TSEN2: variants seen among roughly 807,000 people sequenced by gnomAD.
The protein encoded by TSEN2 is tRNA splicing endonuclease subunit 2.
A neutral mutation model predicts 59.2 loss-of-function variants in TSEN2; 54 were observed. That is an observed-to-expected ratio of 0.91 (90% CI 0.73 to 1.14). The LOEUF (loss-of-function observed/expected upper bound fraction) is 1.14. Ranked by LOEUF, TSEN2 falls within the 50% of genes most tolerant of loss-of-function variation. TSEN2 has a pLI of 0.00. For missense variants in TSEN2, 636 were observed against 576.2 expected (o/e 1.10, Z -1.06); for synonymous variants, 195 against 198.2 (o/e 0.98, Z 0.14).
chr3:12,539,127 G>A (rs1345953010), intron 10 of TSEN2: 4 of 439,634 alleles, frequency 9.1e-6, no homozygotes, highest in Non-Finnish European at 4.5e-6. Context: ...AGCTTACCAT[G>A]TGCTTTTTTC....
intron 6 of TSEN2, among the ~76,000 whole-genome samples, chr3:12,506,522 G>A (rs574949147): frequency 1.3e-5 from 2 of 151,730 alleles, no homozygotes; most frequent in African/African-American, 4.8e-5. Flanking sequence ...TTGAGCCTGG[G>A]AGGTCGAGGC....
chr3:12,496,240 G>A (rs746749752), intron 3 of TSEN2, among the ~76,000 whole-genome samples: 6 of 152,222 alleles, frequency 3.9e-5, no homozygotes, highest in Non-Finnish European at 7.3e-5. Context: ...GTTTCCTCCT[G>A]TGCTGTTGCT....
intron 3 of TSEN2, among the ~76,000 whole-genome samples, chr3:12,493,423 C>T (rs913371116): frequency 6.6e-6 from 1 of 152,172 alleles, no homozygotes; most frequent in African/African-American, 2.4e-5. Context: ...TCCTTGCCAA[C>T]ACTTGTTTAA....
In TSEN2 at chr3:12,529,853, G is replaced by A. The variant is rs1050908021; in HGVS notation, c.1228G>A (p.Val410Ile). The change falls in exon 10 of 12, where the codon GTT becomes ATT. Residue 410 changes from valine to isoleucine, a missense_variant. Physicochemically the swap from Val to Ile is conservative, Grantham distance 29. Transcript: ENST00000284995. The stretch of plus-strand genomic sequence containing the variant: ...GAAGTCCCTGGCTGCCTTGAGCAGA[G>A]TTTCCGTTAATGTCTCTAAGGTAAC... Reference protein sequence around the residue: ...SWKSLAALSRVSVNVSKELML... With the variant: ...SWKSLAALSRISVNVSKELML... The A allele has an allele frequency of 6.2e-6, 10 of 1,613,868 alleles. No homozygotes were observed. The highest frequency in any genetic ancestry group is 5.5e-5 in the South Asian group (5 of 91,074).
chr3:12,535,075 C>T (rs2057643329), downstream of TSEN2, among the ~76,000 whole-genome samples: 1 of 152,034 alleles, frequency 6.6e-6, no homozygotes, highest in Non-Finnish European at 1.5e-5. Flanking sequence ...ATTGTTACAA[C>T]GTATTTGCTT....
upstream of TSEN2, among the ~76,000 whole-genome samples, chr3:12,482,636 C>T (rs567298002): frequency 2.7e-4 from 41 of 152,112 alleles, no homozygotes; most frequent in East Asian, 5.4e-3. Context: ...AATCCTTCCA[C>T]GAGCTGGGAT....
intron 3 of TSEN2, among the ~76,000 whole-genome samples, chr3:12,493,727 T>C (rs1354208411): frequency 6.6e-6 from 1 of 151,800 alleles, no homozygotes; most frequent in Non-Finnish European, 1.5e-5. Context: ...ACTCCGTTTC[T>C]AAATAAATAA....
chr3:12,481,614 G>A (rs2052195001), upstream of TSEN2, among the ~76,000 whole-genome samples: 2 of 152,166 alleles, frequency 1.3e-5, no homozygotes, highest in Non-Finnish European at 2.9e-5. Context: ...GAGAATAGGT[G>A]TGTTAGATAA....
At chr3:12,480,900 G>A (rs192994353), upstream of TSEN2, among the ~76,000 whole-genome samples, 2 of 152,174 alleles carry the variant, frequency 1.3e-5, no homozygotes, top group African/African-American at 4.8e-5. Context: ...CATAAGCCCC[G>A]TAGATCCGTA....
In TSEN2 at chr3:12,484,676, G is replaced by A. The variant is rs533687592; in HGVS notation, c.-222G>A. The A allele has an allele frequency of 5.2e-5, 8 of 152,432 alleles. No homozygotes were observed. The East Asian group carries it at 1.5e-3, about 29-fold the overall frequency. 9.4% of individuals were successfully genotyped at this position (152,432 alleles called of 1,614,324 possible). A position where few individuals can be genotyped will look rare whatever the true frequency, so the allele number is the denominator to read the frequency against. On this transcript the variant is annotated 5_prime_UTR_variant, in exon 1 of 12. Transcript: ENST00000284995. ...CCGGCCGAGACAGTGCCGGGACGGGGAGCCAGGCTTCCGAGTGCGCCCGGT... is the reference window on the plus strand; with the variant it reads ...CCGGCCGAGACAGTGCCGGGACGGGAAGCCAGGCTTCCGAGTGCGCCCGGT...
chr3:12,496,972 G>A (rs915559634), intron 4 of TSEN2, among the ~76,000 whole-genome samples: 4 of 152,060 alleles, frequency 2.6e-5, no homozygotes, highest in African/African-American at 7.2e-5. Context: ...AGACATTCCC[G>A]GAACGTTTCT....
At chr3:12,528,522 C>T (rs1033020089) in intron 8 of TSEN2, among the ~76,000 whole-genome samples, 7 of 152,134 alleles carry the variant, frequency 4.6e-5, no homozygotes, top group Non-Finnish European at 1.0e-4. Context: ...GAATTTAAGA[C>T]CAGCCTGGGC....
At chr3:12,526,934 G>GGACT (rs758381291) in intron 8 of TSEN2, among the ~76,000 whole-genome samples, 2 of 152,188 alleles carry the variant, frequency 1.3e-5, no homozygotes, top group Non-Finnish European at 1.5e-5. Context: ...TGTCATTTGA[G>GGACT]GACTAGAAAA....
At position 12,532,713 on chromosome 3, in the gene TSEN2, G is replaced by C; in HGVS notation, c.1390G>C (p.Asp464His). 1 of 1,614,062 alleles carries C rather than the reference G, an allele frequency of 6.2e-7. No individual in the cohort carries two copies. Among genetic ancestry groups the C allele is most frequent in the South Asian group, 1.1e-5 (1 of 91,076 alleles). ...VSSRERSDQD[D>H]L is the part of the protein sequence containing the mutation. ...TTCACGAGAGAGGAGTGACCAAGACGATCTTTAACAATTCAACCTCAAATT... is the reference window on the plus strand; with the variant it reads ...TTCACGAGAGAGGAGTGACCAAGACCATCTTTAACAATTCAACCTCAAATT... Residue 464 changes from aspartate (D) to histidine (H), a missense_variant, in exon 12 of 12, where the codon GAT becomes CAT. Asp to His is a moderately conservative substitution (Grantham distance 81). Coordinates refer to ENST00000284995, the MANE Select transcript of TSEN2 (RefSeq NM_025265.4).
downstream of TSEN2, among the ~76,000 whole-genome samples, chr3:12,537,829 G>C (rs2125279327): frequency 6.6e-6 from 1 of 152,316 alleles, no homozygotes; most frequent in East Asian, 1.9e-4. Context: ...GGAAGAATAA[G>C]TGTTTCTTCT....
intron 10 of TSEN2, chr3:12,531,347 G>A: frequency 1.8e-6 from 1 of 554,604 alleles, no homozygotes; most frequent in South Asian, 2.1e-5. Flanking sequence ...CAATGTATCT[G>A]CTTATATCTG....
In TSEN2 at chr3:12,503,362, G is replaced by C. The variant is rs938107092; in HGVS notation, c.409G>C (p.Glu137Gln). 1.2e-6 allele frequency: 2 copies of C among 1,614,096 alleles called. No homozygotes were observed. Among genetic ancestry groups the C allele is most frequent in the African/African-American group, 2.7e-5 (2 of 74,938 alleles). ...CCTCAAGGATTACACGAAACCGCTT[G>C]AGCATCCTCCTGTGAAAAGGAATGA... Reference protein sequence around the residue: ...RILKDYTKPLEHPPVKRNEEA... With the variant: ...RILKDYTKPLQHPPVKRNEEA... Residue 137 changes from glutamate to glutamine, a missense_variant, in exon 5 of 12, where the codon GAG (glutamate) becomes CAG (glutamine). Coordinates refer to ENST00000284995, the MANE Select transcript of TSEN2 (RefSeq NM_025265.4).
At chr3:12,538,374 G>C (rs955153438), downstream of TSEN2, among the ~76,000 whole-genome samples, 1 of 152,190 alleles carries the variant, frequency 6.6e-6, no homozygotes, top group Non-Finnish European at 1.5e-5. Context: ...GAGAGAAGTT[G>C]GTTGGTTAAA....
chr3:12,511,842 C>T (rs1232561425), intron 6 of TSEN2, among the ~76,000 whole-genome samples: 3 of 152,290 alleles, frequency 2.0e-5, no homozygotes, highest in South Asian at 2.1e-4. Context: ...GCTAGGATTA[C>T]AGGTGTGAGC....
Sources: gnomAD v4.1 joint callset for allele counts (sites outside exome capture counted in the v4.1 genomes callset) on GRCh38, gnomAD v4.1.1 for gene constraint, MANE v1.5 for transcripts, NCBI Gene and HGNC (gene_info 2026-07-23, HGNC 2026-07-21) for gene names.